ZFYVE27: variants seen among roughly 807,000 people sequenced by gnomAD.
ZFYVE27 encodes the protein zinc finger FYVE-type containing 27.
ZFYVE27 carries 36 observed loss-of-function variants against 52.8 expected under a neutral mutation model. That is an observed-to-expected ratio of 0.68 (90% CI 0.52 to 0.90). The LOEUF is 0.90. Ranked by LOEUF, ZFYVE27 falls within the 40% of genes least tolerant of loss-of-function variation. The pLI is 0.00. For missense variants in ZFYVE27, 450 were observed against 527.2 expected (o/e 0.85, Z 1.43); for synonymous variants, 223 against 215.6 (o/e 1.03, Z -0.30).
intron 3 of ZFYVE27, among the ~76,000 whole-genome samples, chr10:97,744,133 C>T (rs1235264424): frequency 6.6e-6 from 1 of 152,180 alleles, no homozygotes; most frequent in Non-Finnish European, 1.5e-5. Flanking sequence ...TATATATGCT[C>T]CCAAAGTAAG....
In ZFYVE27 at chr10:97,759,614, C is replaced by T. The variant is rs534811855; in HGVS notation, c.*314C>T. On this transcript the variant is annotated 3_prime_UTR_variant, in exon 13 of 13. Coordinates refer to ENST00000684270, the MANE Select transcript of ZFYVE27 (RefSeq NM_001385875.1). ...GCAGGCAGTAGCCACCAGAGGGCAGCAGCGAACTAGGCCAGGCCTGACTGG... is the reference window on the plus strand; with the variant it reads ...GCAGGCAGTAGCCACCAGAGGGCAGTAGCGAACTAGGCCAGGCCTGACTGG... 98 of 452,400 alleles carry T rather than the reference C, an allele frequency of 2.2e-4. No homozygotes were observed. The highest frequency in any genetic ancestry group is 1.7e-3 in the African/African-American group (85 of 50,466). 28.0% of individuals were successfully genotyped at this position (452,400 alleles called of 1,614,324 possible).
chr10:97,738,810 C>T (rs766187453), intron 2 of ZFYVE27, 136 bp downstream of exon 2: 4 of 1,006,996 alleles, frequency 4.0e-6, no homozygotes, highest in Admixed American at 2.0e-5. Flanking sequence ...GAGGTCTGTT[C>T]GGCCTCTGGG....
chr10:97,750,166 T>G (rs1476166428), intron 6 of ZFYVE27, 165 bp from the exon 7 acceptor site: 9 of 772,972 alleles, frequency 1.2e-5, no homozygotes, highest in Non-Finnish European at 1.9e-5. Context: ...TATCTAAGTT[T>G]TGTTTAAGAG....
chr10:97,757,178 T>C lies in ZFYVE27; in HGVS notation c.1043-87T>C. On this transcript the variant is annotated intron_variant, in intron 10 of 12. Coordinates refer to ENST00000684270, the MANE Select transcript of ZFYVE27 (RefSeq NM_001385875.1). Reference sequence around the variant, plus strand: ...AGCCAAGGAGGCTGGGCTGGTGTCCTGAGTGTCCCATTTAGAAGCGCCAGG... The same window carrying C: ...AGCCAAGGAGGCTGGGCTGGTGTCCCGAGTGTCCCATTTAGAAGCGCCAGG... 8 of 1,596,372 alleles carry C rather than the reference T, an allele frequency of 5.0e-6. No individual in the cohort carries two copies. The South Asian group carries it at 8.8e-5, about 18-fold the overall frequency.
rs564761339 is a variant in ZFYVE27 at position 97,751,042 on chromosome 10, T to G, written c.805-349T>G. Among the ~76,000 whole-genome samples, 4 of 152,264 alleles carry G rather than the reference T, an allele frequency of 2.6e-5. No individual in the cohort carries two copies. The South Asian group carries it at 8.3e-4, about 32-fold the overall frequency. ...ACAGGCGTGAGCCACTGCACCAGGC[T>G]GGTTATTTCTGAGAAAGAGATCATT... On this transcript the variant is annotated intron_variant, in intron 7 of 12. Coordinates refer to ENST00000684270, the MANE Select transcript of ZFYVE27 (RefSeq NM_001385875.1).
chr10:97,756,487 G>A (rs1033473557), intron 10 of ZFYVE27, among the ~76,000 whole-genome samples: 4 of 152,188 alleles, frequency 2.6e-5, no homozygotes, highest in African/African-American at 4.8e-5. Context: ...CCAGACAGGT[G>A]GTCCGGCTGG....
intron 2 of ZFYVE27, among the ~76,000 whole-genome samples, chr10:97,742,020 C>T (rs2043802515): frequency 6.6e-6 from 1 of 151,700 alleles, no homozygotes; most frequent in Non-Finnish European, 1.5e-5. Flanking sequence ...GTAATCCCAG[C>T]TGCTAGGGAG....
Position 97,750,428 on chromosome 10 carries a change from G to A in ZFYVE27, c.762G>A (p.Lys254=). 1.2e-6 allele frequency: 2 copies of A among 1,614,124 alleles called. No homozygotes were observed. The highest frequency in any genetic ancestry group is 8.5e-7 in the Non-Finnish European group (1 of 1,179,994). Residue 254 remains lysine (K), a synonymous_variant, in exon 7 of 13, where the codon AAG becomes AAA. Coordinates refer to ENST00000684270, the MANE Select transcript of ZFYVE27 (RefSeq NM_001385875.1). ...CTCCACCACCAGATGTTGGGGGGAAGGATGGTCTGATGGACAGCACGCCTG... is the reference window on the plus strand; with the variant it reads ...CTCCACCACCAGATGTTGGGGGGAAAGATGGTCTGATGGACAGCACGCCTG... ...ESPPPPDVGG[K]DGLMDSTPAL...
rs1029069670 is a variant in ZFYVE27 at position 97,744,092 on chromosome 10, G to A, written c.269-637G>A. ...TTCTTAGTTGGACTCATCTTTACCT[G>A]TTCAAAACTTCCTAGGATGTTTGAT... On this transcript the variant is annotated intron_variant, in intron 3 of 12. Transcript: ENST00000684270. Among the ~76,000 whole-genome samples the A allele has an allele frequency of 2.0e-5, 3 of 152,110 alleles. No individual in the cohort carries two copies. The East Asian group carries it at 5.8e-4, about 29-fold the overall frequency.
intron 8 of ZFYVE27, among the ~76,000 whole-genome samples, 174 bp from the exon 9 acceptor site, chr10:97,752,683 G>A (rs1263938720): frequency 1.3e-5 from 2 of 152,162 alleles, no homozygotes; most frequent in Non-Finnish European, 2.9e-5. Flanking sequence ...GCTGTTTGAT[G>A]CTGGGATCCT....
intron 11 of ZFYVE27, 51 bp downstream of exon 11, chr10:97,757,362 C>T (rs372897690): frequency 2.2e-5 from 36 of 1,612,658 alleles, no homozygotes; most frequent in East Asian, 2.0e-4. Flanking sequence ...TTGGGACTGT[C>T]GGGTGGGGAG....
Position 97,749,479 on chromosome 10 carries a change from A to G in ZFYVE27, c.557A>G (p.Tyr186Cys), listed in dbSNP as rs575306476. The G allele has an allele frequency of 3.3e-5, 54 of 1,613,778 alleles. No individual in the cohort carries two copies. The highest frequency in any genetic ancestry group is 1.6e-4 in the Middle Eastern group (1 of 6,062). ...WENPVVSSQFYGALLGTVCML... is the reference protein window; with the variant it reads ...WENPVVSSQFCGALLGTVCML... ...GGTTCTTCCCTGTCATCCAGGTTCT[A>G]TGGGGCTCTTCTGGGCACAGTCTGC... The change falls in exon 6 of 13, where the codon TAT becomes TGT. Residue 186 changes from tyrosine (Y) to cysteine (C), a missense_variant. Tyr to Cys is a radical substitution (Grantham distance 194). Transcript: ENST00000684270.
At chr10:97,749,445 T>G in intron 5 of ZFYVE27, 29 bp from the exon 6 acceptor site, 3 of 1,577,940 alleles carry the variant, frequency 1.9e-6, no homozygotes, top group Non-Finnish European at 2.6e-6. Context: ...TACGAATTTC[T>G]GATCTTGTGG....
intron 10 of ZFYVE27, chr10:97,754,578 G>C (rs2047866695): frequency 4.1e-6 from 5 of 1,209,180 alleles, no homozygotes; most frequent in Non-Finnish European, 5.3e-6. Context: ...GTCTTCCAAA[G>C]TGTTAGGATT....
chr10:97,746,722 C>T (rs1367103514), intron 4 of ZFYVE27, among the ~76,000 whole-genome samples: 2 of 146,914 alleles, frequency 1.4e-5, no homozygotes, highest in Non-Finnish European at 3.0e-5. Flanking sequence ...CGGAGTTTTG[C>T]TCTGTCATCC....
At chr10:97,745,963 G>C (rs1257718185) in intron 4 of ZFYVE27, among the ~76,000 whole-genome samples, 1 of 151,382 alleles carries the variant, frequency 6.6e-6, no homozygotes, top group East Asian at 1.9e-4. Flanking sequence ...CTGGAGTGGG[G>C]CCTGGATATG....
At chr10:97,757,435 T>A in intron 11 of ZFYVE27, 124 bp downstream of exon 11, 1 of 1,431,002 alleles carries the variant, frequency 7.0e-7, no homozygotes, top group Non-Finnish European at 9.8e-7. Context: ...AGTGGCTTTC[T>A]GGAGTGAGTG....
intron 10 of ZFYVE27, chr10:97,757,058 C>A: frequency 1.6e-6 from 1 of 618,466 alleles, no homozygotes; most frequent in Non-Finnish European, 2.9e-6. Flanking sequence ...CTATGTATGG[C>A]TGGAGACATC....
chr10:97,745,020 G>A, intron 4 of ZFYVE27, 105 bp downstream of exon 4: 5 of 1,318,312 alleles, frequency 3.8e-6, no homozygotes, highest in Non-Finnish European at 5.3e-6. Context: ...AACCACAGCT[G>A]TTACTTCATT....
Sources: gnomAD v4.1 joint callset for allele counts (sites outside exome capture counted in the v4.1 genomes callset) on GRCh38, gnomAD v4.1.1 for gene constraint, MANE v1.5 for transcripts, NCBI Gene and HGNC (gene_info 2026-07-23, HGNC 2026-07-21) for gene names.